FN3K: variants seen among roughly 807,000 people sequenced by gnomAD.
The protein encoded by FN3K is fructosamine 3 kinase.
A neutral mutation model predicts 24.8 loss-of-function variants in FN3K; 24 were observed. That is an observed-to-expected ratio of 0.97 (90% CI 0.70 to 1.36). The LOEUF is 1.36. Among genes scored for constraint, FN3K ranks in the 40% most tolerant of loss-of-function variants. The pLI is 0.00. For synonymous variants in FN3K, 192 were observed against 175.2 expected, an observed-to-expected ratio of 1.10 and a Z score of -0.76; for missense variants, 449 against 416.7, an observed-to-expected ratio of 1.08 and a Z score of -0.67.
chr17:82,735,885 A>G, intron 1 of FN3K, 108 bp downstream of exon 1: 2 of 1,452,244 alleles, frequency 1.4e-6, no homozygotes, highest in Non-Finnish European at 1.9e-6. Flanking sequence ...GGGAGGGGTC[A>G]GCTTTGGCCC....
chr17:82,741,631 C>T, intron 4 of FN3K: 5 of 481,660 alleles, frequency 1.0e-5, no homozygotes, highest in South Asian at 1.0e-4. Flanking sequence ...CAGAGCGAGC[C>T]TCAAGTGCAA....
intron 4 of FN3K, among the ~76,000 whole-genome samples, chr17:82,743,681 C>T (rs370852278): frequency 3.5e-4 from 53 of 152,356 alleles, no homozygotes; most frequent in African/African-American, 1.2e-3. Flanking sequence ...CCCACTTGCC[C>T]TAGCAGGTAA....
intron 4 of FN3K, among the ~76,000 whole-genome samples, chr17:82,748,093 T>G (rs867011249): frequency 2.2e-4 from 34 of 152,316 alleles, no homozygotes; most frequent in Non-Finnish European, 2.4e-4. Context: ...TTGATTTTCT[T>G]TGCTTTGAAA....
intron 4 of FN3K, among the ~76,000 whole-genome samples, chr17:82,747,158 G>A (rs548624273): frequency 6.6e-6 from 1 of 151,962 alleles, no homozygotes; most frequent in African/African-American, 2.4e-5. Flanking sequence ...CTCTTTTTCT[G>A]GTTGGTTAAT....
chr17:82,740,676 T>C, intron 2 of FN3K, 87 bp from the exon 3 acceptor site: 1 of 867,292 alleles, frequency 1.2e-6, no homozygotes, highest in South Asian at 1.4e-5. Context: ...GTTTTCAATG[T>C]ATTTAAACCT....
At position 82,736,050 on chromosome 17, in the gene FN3K, A is replaced by G. The variant is rs1009744589; in HGVS notation, c.141+273A>G. The G allele has an allele frequency of 4.7e-5, 20 of 427,636 alleles. No homozygotes were observed. In the East Asian group the frequency reaches 9.3e-4, roughly 20 times the overall value. 26.5% of individuals were successfully genotyped at this position (427,636 alleles called of 1,614,324 possible). A position where few individuals can be genotyped will look rare whatever the true frequency, so the allele number is the denominator to read the frequency against. ...TATCCAGCAAGCGTCGGGGGATGTGAGGCTTGGGGTCCTTGGCTCAGCTCT... is the reference window on the plus strand; with the variant it reads ...TATCCAGCAAGCGTCGGGGGATGTGGGGCTTGGGGTCCTTGGCTCAGCTCT... On this transcript the variant is annotated intron_variant, in intron 1 of 5. Transcript: ENST00000300784.
Position 82,751,189 on chromosome 17 carries a change from C to T in FN3K, c.*434C>T, listed in dbSNP as rs568768484. 37 of 137,262 alleles carry T rather than the reference C, an allele frequency of 2.7e-4. No homozygotes were observed. The South Asian group carries it at 7.1e-3, about 26-fold the overall frequency. The allele number at this position is 137,262 out of a possible 1,614,324, so 8.5% of individuals were successfully genotyped here. ...GACCAATAAAGCCCGCAGCGGGTCT[C>T]GGCTGGCGTCCTGCGCCTCGTTCCT... On this transcript the variant is annotated 3_prime_UTR_variant, in exon 6 of 6. Transcript: ENST00000300784.
intron 1 of FN3K, 126 bp downstream of exon 1, chr17:82,735,903 G>T (rs970559045): frequency 7.8e-7 from 1 of 1,285,598 alleles, no homozygotes; most frequent in Non-Finnish European, 1.1e-6. Context: ...CCCTTGGGAG[G>T]TGGCACCTGC....
Position 82,738,657 on chromosome 17 carries a change from C to A in FN3K, c.293+17C>A, listed in dbSNP as rs1217150157. On this transcript the variant is annotated intron_variant, in intron 2 of 5. Transcript: ENST00000300784. ...CTTGAGCAGGTGAGTGTGTGTGAGACCCATATGCGCACATGTGTACAGGCA... is the reference window on the plus strand; with the variant it reads ...CTTGAGCAGGTGAGTGTGTGTGAGAACCATATGCGCACATGTGTACAGGCA... The A allele has an allele frequency of 6.2e-7, 1 of 1,613,076 alleles. No individual in the cohort carries two copies. The highest frequency in any genetic ancestry group is 8.5e-7 in the Non-Finnish European group (1 of 1,179,350).
chr17:82,741,967 G>A (rs2046943352), intron 4 of FN3K, among the ~76,000 whole-genome samples: 1 of 152,054 alleles, frequency 6.6e-6, no homozygotes, highest in Non-Finnish European at 1.5e-5. Flanking sequence ...GAGTGCAATG[G>A]CACGATCTCG....
rs571545434 is a variant in FN3K at position 82,735,911 on chromosome 17, T to G, written c.141+134T>G. The G allele has an allele frequency of 2.9e-4, 351 of 1,199,468 alleles. No individual in the cohort carries two copies. The Admixed American group carries it at 3.9e-3, about 13-fold the overall frequency. The allele number at this position is 1,199,468 out of a possible 1,614,324, so 74.3% of individuals were successfully genotyped here. On this transcript the variant is annotated intron_variant, in intron 1 of 5. Coordinates refer to ENST00000300784, the MANE Select transcript of FN3K (RefSeq NM_022158.4). Reference sequence around the variant, plus strand: ...GCTTTGGCCCTTGGGAGGTGGCACCTGCTGGGTGAGCCCGGCTCAAGCGTT... The same window carrying G: ...GCTTTGGCCCTTGGGAGGTGGCACCGGCTGGGTGAGCCCGGCTCAAGCGTT...
At chr17:82,738,322 GC>G in intron 1 of FN3K, 166 bp from the exon 2 acceptor site, 1 of 825,836 alleles carries the variant, frequency 1.2e-6, no homozygotes. Context: ...CCGACGGGGG[GC>G]CCCTCTGCAC....
chr17:82,744,458 T>C (rs1401107514), intron 4 of FN3K, among the ~76,000 whole-genome samples: 1 of 152,180 alleles, frequency 6.6e-6, no homozygotes, highest in Non-Finnish European at 1.5e-5. Flanking sequence ...GTGTTGTCAC[T>C]GTAGATTAGT....
Position 82,750,581 on chromosome 17 carries a change from T to TG in FN3K, c.762dup (p.Phe255ValfsTer30), listed in dbSNP as rs768699900. 1.5e-5 allele frequency: 25 copies of TG among 1,614,042 alleles called. No homozygotes were observed. The highest frequency in any genetic ancestry group is 2.2e-5 in the South Asian group (2 of 91,084). On this transcript the variant is annotated frameshift_variant, in exon 6 of 6. Coordinates refer to ENST00000300784, the MANE Select transcript of FN3K (RefSeq NM_022158.4). LOFTEE classifies it low-confidence loss of function (END_TRUNC). ...TTGAACTGGCAATCGCCTTGATGTTTGGGGGGTTCCCCAGATCCTTCTTCA... is the reference window on the plus strand; with the variant it reads ...TTGAACTGGCAATCGCCTTGATGTTTGGGGGGGTTCCCCAGATCCTTCTTCA...
At chr17:82,741,133 T>C (rs2143643550) in intron 3 of FN3K, 178 bp from the exon 4 acceptor site, 1 of 705,568 alleles carries the variant, frequency 1.4e-6, no homozygotes, top group Non-Finnish European at 2.5e-6. Flanking sequence ...TCTAGTGTGC[T>C]TGAGGTAGGA....
intron 1 of FN3K, among the ~76,000 whole-genome samples, chr17:82,737,377 G>A (rs775718456): frequency 3.3e-5 from 5 of 151,810 alleles, no homozygotes; most frequent in Non-Finnish European, 5.9e-5. Flanking sequence ...TTGCTCTGTC[G>A]CCCAGGCTGG....
rs924033706 is a variant in FN3K, at chr17:82,741,552, C to G, written c.468+159C>G. The G allele has an allele frequency of 3.8e-5, 25 of 663,042 alleles. No individual in the cohort carries two copies. In the African/African-American group the frequency reaches 4.3e-4, roughly 11 times the overall value. The allele number at this position is 663,042 out of a possible 1,614,324, so 41.1% of individuals were successfully genotyped here. A position where few individuals can be genotyped will look rare whatever the true frequency, so the allele number is the denominator to read the frequency against. On this transcript the variant is annotated intron_variant, in intron 4 of 5. Coordinates refer to ENST00000300784, the MANE Select transcript of FN3K (RefSeq NM_022158.4). ...ATACCTGGAATGGGGAGAGCAGACG[C>G]TGAGGGTCACTGAGCTGAGCTGGGC...
chr17:82,748,943 A>T lies in FN3K; in HGVS notation c.557A>T (p.Asp186Val). The part of the protein sequence containing the change: ...QLDLIEKDYA[D>V]REARELWSRL... ...GACCTCATTGAGAAGGACTATGCTG[A>T]CCGAGAGGCACGAGAACTCTGGTCC... is the stretch of plus-strand genomic sequence containing the variant. Residue 186 changes from aspartate (D) to valine (V), a missense_variant, in exon 5 of 6, where the codon GAC becomes GTC. Asp to Val is a radical substitution (Grantham distance 152, BLOSUM62 -3). Coordinates refer to ENST00000300784, the MANE Select transcript of FN3K (RefSeq NM_022158.4). 6.2e-7 allele frequency: 1 copy of T among 1,614,166 alleles called. No homozygotes were observed. Among genetic ancestry groups the T allele is most frequent in the Non-Finnish European group, 8.5e-7 (1 of 1,180,042 alleles).
At position 82,741,365 on chromosome 17, in the gene FN3K, C is replaced by G. The variant is rs768119555; in HGVS notation, c.440C>G (p.Thr147Arg). The change falls in exon 4 of 6, where the codon ACG (threonine) becomes AGG (arginine). Residue 147 changes from threonine to arginine, a missense_variant. Thr to Arg is a moderately conservative substitution (Grantham distance 71). Coordinates refer to ENST00000300784, the MANE Select transcript of FN3K (RefSeq NM_022158.4). Reference sequence around the variant, plus strand: ...TATGTGGACAAGTTCGGCTTCCACACGGTGACGTGCTGCGGCTTCATCCCG... The same window carrying G: ...TATGTGGACAAGTTCGGCTTCCACAGGGTGACGTGCTGCGGCTTCATCCCG... ...PQYVDKFGFHTVTCCGFIPQV... is the reference protein window; with the variant it reads ...PQYVDKFGFHRVTCCGFIPQV... 3.1e-6 allele frequency: 5 copies of G among 1,613,832 alleles called. No individual in the cohort carries two copies. In the South Asian group the frequency reaches 5.5e-5, roughly 18 times the overall value.
Sources: allele counts gnomAD v4.1 joint callset (sites outside exome capture counted in the v4.1 genomes callset), GRCh38; gene constraint gnomAD v4.1.1; transcripts MANE v1.5; gene names NCBI Gene and HGNC (gene_info 2026-07-23, HGNC 2026-07-21).